The following DLAT variants were observed in gnomAD, a reference collection of about 807,000 sequenced individuals.
DLAT encodes the protein dihydrolipoyllysine-residue acetyltransferase component of pyruvate dehydrogenase complex, mitochondrial.
DLAT carries 43 observed loss-of-function variants against 68.0 expected under a neutral mutation model. The observed-to-expected ratio is 0.63, with a 90% confidence interval of 0.50 to 0.81. The LOEUF is 0.81. Ranked by LOEUF, DLAT falls within the 40% of genes least tolerant of loss-of-function variation. The pLI, the probability that DLAT is intolerant of heterozygous loss-of-function variation, is 0.00. For synonymous variants in DLAT, 265 were observed against 288.6 expected, an observed-to-expected ratio of 0.92 and a Z score of 0.83; for missense variants, 745 against 815.4, an observed-to-expected ratio of 0.91 and a Z score of 1.05.
At position 112,051,157 on chromosome 11, in the gene DLAT, C is replaced by A; in HGVS notation, c.1399-77C>A. 1 of 999,754 alleles carries A rather than the reference C, an allele frequency of 1.0e-6. No individual in the cohort carries two copies. The highest frequency in any genetic ancestry group is 1.5e-6 in the Non-Finnish European group (1 of 663,126). The allele number at this position is 999,754 out of a possible 1,614,324, so 61.9% of individuals were successfully genotyped here. The stretch of plus-strand genomic sequence containing the variant: ...TACCTATATAATAAACCTGGACATT[C>A]TGCACATGCACCCTGAAACTTAAAA... On this transcript the variant is annotated intron_variant, in intron 10 of 13. Transcript: ENST00000280346. This position sits in a 1 kb window ranked among gnomAD's most constrained non-coding sequence, Gnocchi z 4.3.
chr11:112,025,869 G>A lies in DLAT; in HGVS notation c.279+118G>A, dbSNP rs1861967222. 3 of 1,354,276 alleles carry A rather than the reference G, an allele frequency of 2.2e-6. No individual in the cohort carries two copies. The Admixed American group carries it at 7.4e-5, about 34-fold the overall frequency. 83.9% of individuals were successfully genotyped at this position (1,354,276 alleles called of 1,614,324 possible). A position where few individuals can be genotyped will look rare whatever the true frequency, so the allele number is the denominator to read the frequency against. ...CCACCCATTCCCAGTATCTGCTTTGGCCCTTTGTCCAATAGTTGGCTTTGC... is the reference window on the plus strand; with the variant it reads ...CCACCCATTCCCAGTATCTGCTTTGACCCTTTGTCCAATAGTTGGCTTTGC... On this transcript the variant is annotated intron_variant, in intron 1 of 13. Transcript: ENST00000280346.
chr11:112,026,529 A>T (rs1001305516), intron 2 of DLAT, among the ~76,000 whole-genome samples: 143 of 152,072 alleles, frequency 9.4e-4, no homozygotes, highest in African/African-American at 3.3e-3. Flanking sequence ...GATGACTCTT[A>T]AGGAGCATGC....
chr11:112,041,797 G>C (rs1028451628), intron 7 of DLAT, among the ~76,000 whole-genome samples: 1 of 152,076 alleles, frequency 6.6e-6, no homozygotes, highest in Non-Finnish European at 1.5e-5. Context: ...CAGGAGAATG[G>C]CGTGAACCTG....
At chr11:112,035,354 C>T (rs1862645508) in intron 5 of DLAT, among the ~76,000 whole-genome samples, 1 of 152,152 alleles carries the variant, frequency 6.6e-6, no homozygotes, top group Non-Finnish European at 1.5e-5. Flanking sequence ...AACACAGAAA[C>T]TTTGGAAACA....
intron 11 of DLAT, 21 bp from the exon 12 acceptor site, chr11:112,059,881 AT>A: frequency 1.9e-6 from 3 of 1,548,302 alleles, no homozygotes; most frequent in Non-Finnish European, 2.6e-6. Context: ...TTTTTATTAT[AT>A]TTATTTTTCT....
rs2137697695 is a variant in DLAT at position 112,028,495 on chromosome 11, A to G, written c.382-20A>G. On this transcript the variant is annotated intron_variant, in intron 2 of 13. Coordinates refer to ENST00000280346, the MANE Select transcript of DLAT (RefSeq NM_001931.5). ...CATACCAACAGTACAAACCTGAGCT[A>G]CTGCTTTTTGTGTTAAAAGGTTGAA... 2 of 1,613,616 alleles carry G rather than the reference A, an allele frequency of 1.2e-6. No individual in the cohort carries two copies. The highest frequency in any genetic ancestry group is 1.1e-5 in the South Asian group (1 of 91,062).
chr11:112,026,451 C>T (rs938505518), intron 2 of DLAT, 152 bp downstream of exon 2: 49 of 426,756 alleles, frequency 1.1e-4, no homozygotes, highest in Non-Finnish European at 1.7e-4. Flanking sequence ...CTCTGGTTTT[C>T]CTAGGCAGAG....
intron 6 of DLAT, 104 bp downstream of exon 6, chr11:112,037,564 A>T: frequency 9.2e-7 from 1 of 1,082,486 alleles, no homozygotes; most frequent in Non-Finnish European, 1.4e-6. Flanking sequence ...CCAAGATTCT[A>T]TGACTGAGGA....
intron 10 of DLAT, among the ~76,000 whole-genome samples, chr11:112,048,762 G>A (rs1863459840): frequency 6.6e-6 from 1 of 151,888 alleles, no homozygotes; most frequent in Non-Finnish European, 1.5e-5. Context: ...TCGAACTCTT[G>A]ACCTCAAATG....
At chr11:112,037,778 CT>C (rs35822904) in intron 6 of DLAT, among the ~76,000 whole-genome samples, 2,199 of 143,168 alleles carry the variant, frequency 0.015, 51 homozygotes, top group African/African-American at 0.051. Context: ...TTGCCCCACC[CT>C]TTTTTTTTTT....
At chr11:112,059,097 A>G (rs1335704614) in intron 11 of DLAT, among the ~76,000 whole-genome samples, 3 of 151,030 alleles carry the variant, frequency 2.0e-5, no homozygotes, top group African/African-American at 7.3e-5. Context: ...CGTTCTTCTG[A>G]GGTACCACCA....
intron 8 of DLAT, 116 bp downstream of exon 8, chr11:112,043,649 A>T (rs1555181204): frequency 5.8e-6 from 6 of 1,029,528 alleles, no homozygotes; most frequent in Non-Finnish European, 7.7e-6. Flanking sequence ...TTCTAATTTC[A>T]GTGGTTTAAT....
chr11:112,040,355 A>G (rs1243576714), intron 7 of DLAT, among the ~76,000 whole-genome samples: 1 of 152,194 alleles, frequency 6.6e-6, no homozygotes, highest in East Asian at 1.9e-4. Context: ...TATTTTCTGG[A>G]TAAGAAAACA....
chr11:112,039,419 G>T, intron 7 of DLAT, 22 bp downstream of exon 7: 1 of 1,612,710 alleles, frequency 6.2e-7, no homozygotes, highest in South Asian at 1.1e-5. Flanking sequence ...TCTATAGAAT[G>T]GACTTTATAA....
chr11:112,047,816 T>C (rs1863402500), intron 10 of DLAT, among the ~76,000 whole-genome samples: 2 of 152,198 alleles, frequency 1.3e-5, no homozygotes. Flanking sequence ...TCTGTTCCAT[T>C]GGTCTATATA....
intron 2 of DLAT, among the ~76,000 whole-genome samples, chr11:112,028,020 A>T (rs1291960363): frequency 2.6e-5 from 4 of 152,128 alleles, no homozygotes; most frequent in African/African-American, 9.7e-5. Context: ...CTGAACATTG[A>T]CTTTCTGGAT....
chr11:112,045,524 C>T (rs587755822), intron 9 of DLAT, among the ~76,000 whole-genome samples: 1 of 152,156 alleles, frequency 6.6e-6, no homozygotes, highest in East Asian at 1.9e-4. Flanking sequence ...CCCGTCTCTA[C>T]TAAAGATACA....
At chr11:112,053,130 T>C (rs781915487) in intron 11 of DLAT, among the ~76,000 whole-genome samples, 1 of 152,118 alleles carries the variant, frequency 6.6e-6, no homozygotes. Flanking sequence ...GAGACCAGCC[T>C]GGCCAACATG....
At chr11:112,026,767 C>T (rs1482946792) in intron 2 of DLAT, among the ~76,000 whole-genome samples, 3 of 152,142 alleles carry the variant, frequency 2.0e-5, no homozygotes, top group African/African-American at 7.2e-5. Flanking sequence ...CCCCACCTTT[C>T]CCCCCTTTCT....
Sources: gnomAD v4.1 joint callset for allele counts (sites outside exome capture counted in the v4.1 genomes callset) on GRCh38, gnomAD v4.1.1 for gene constraint, Gnocchi (gnomAD v3.1) non-coding constraint, MANE v1.5 for transcripts, NCBI Gene and HGNC (gene_info 2026-07-23, HGNC 2026-07-21) for gene names.